The following GLYR1 variants were observed in gnomAD, a reference collection of about 807,000 sequenced individuals.
GLYR1 encodes glyoxylate reductase 1 homolog, also known as cytokine-like nuclear factor N-PAC.
Under a neutral mutation model 72.7 loss-of-function variants are expected in GLYR1, and 21 were observed. That is an observed-to-expected ratio of 0.29 (90% CI 0.20 to 0.42). The LOEUF (loss-of-function observed/expected upper bound fraction) is 0.42. GLYR1 is among the 10% of genes least tolerant of loss of function. The pLI, the probability that GLYR1 is intolerant of heterozygous loss-of-function variation, is 1.00. For synonymous variants in GLYR1, 392 were observed against 270.2 expected, an observed-to-expected ratio of 1.45 and a Z score of -4.42; for missense variants, 594 against 712.1, an observed-to-expected ratio of 0.83 and a Z score of 1.89.
chr16:4,811,991 C>G (rs1049960687), intron 13 of GLYR1, 95 bp downstream of exon 13: 4 of 1,498,598 alleles, frequency 2.7e-6, no homozygotes, highest in Non-Finnish European at 3.6e-6. Flanking sequence ...CCAGGGTCCC[C>G]GGCAGAAAGG....
At chr16:4,834,295 C>CTT (rs778256795) in intron 3 of GLYR1, among the ~76,000 whole-genome samples, 5,033 of 118,192 alleles carry the variant, frequency 0.043, 461 homozygotes, top group African/African-American at 0.16. Context: ...AGGCAAATTC[C>CTT]TTTTTTTTTT....
At chr16:4,830,475 A>G (rs2084723478) in intron 5 of GLYR1, among the ~76,000 whole-genome samples, 1 of 152,136 alleles carries the variant, frequency 6.6e-6, no homozygotes, top group South Asian at 2.1e-4. Flanking sequence ...TGCTCTGAGC[A>G]CCAAGGCAGG....
Position 4,832,311 on chromosome 16 carries a change from G to A in GLYR1, c.295-90C>T, listed in dbSNP as rs1008033366. On this transcript the variant is annotated intron_variant, in intron 4 of 15. Coordinates refer to ENST00000321919, the MANE Select transcript of GLYR1 (RefSeq NM_032569.4). ...TTACAGGTGCCATGTGCTGCTACAGGCACTCTGTGTGGTCTCCTCACAATG... is the reference window on the plus strand; with the variant it reads ...TTACAGGTGCCATGTGCTGCTACAGACACTCTGTGTGGTCTCCTCACAATG... 10 of 1,506,534 alleles carry A rather than the reference G, an allele frequency of 6.6e-6. No homozygotes were observed. In the South Asian group the frequency reaches 9.7e-5, roughly 15 times the overall value. The allele number at this position is 1,506,534 out of a possible 1,614,324, so 93.3% of individuals were successfully genotyped here.
At chr16:4,811,976 C>CT in intron 13 of GLYR1, 110 bp downstream of exon 13, 12 of 1,478,946 alleles carry the variant, frequency 8.1e-6, no homozygotes, top group Non-Finnish European at 1.1e-5. Flanking sequence ...GAAAGGAAAC[C>CT]TTCCCCAGGG....
intron 3 of GLYR1, among the ~76,000 whole-genome samples, chr16:4,835,946 T>C (rs1382854566): frequency 6.6e-6 from 1 of 152,138 alleles, no homozygotes; most frequent in Non-Finnish European, 1.5e-5. Flanking sequence ...TCTCTAAAGG[T>C]TACACTTCTT....
chr16:4,823,236 G>GTACT (rs2084155627), intron 6 of GLYR1, among the ~76,000 whole-genome samples: 2 of 152,342 alleles, frequency 1.3e-5, no homozygotes, highest in East Asian at 3.9e-4. Context: ...TATAAATTCG[G>GTACT]TACTCATCAG....
intron 9 of GLYR1, among the ~76,000 whole-genome samples, chr16:4,819,307 C>A (rs2083860503): frequency 6.6e-6 from 1 of 152,030 alleles, no homozygotes; most frequent in Non-Finnish European, 1.5e-5. Context: ...GCCACTGCAC[C>A]CAGCCTTTTT....
chr16:4,828,554 G>C (rs2084580329), intron 5 of GLYR1, among the ~76,000 whole-genome samples: 1 of 152,028 alleles, frequency 6.6e-6, no homozygotes, highest in Non-Finnish European at 1.5e-5. Flanking sequence ...AGACCCAAGG[G>C]CTGTCTGCAG....
chr16:4,845,829 C>G (rs998722761), intron 2 of GLYR1, among the ~76,000 whole-genome samples: 5 of 152,208 alleles, frequency 3.3e-5, no homozygotes, highest in African/African-American at 1.2e-4. Context: ...TGGCTTTTCA[C>G]TAACCTACAT....
At chr16:4,834,425 A>C (rs1045708689) in intron 3 of GLYR1, among the ~76,000 whole-genome samples, 1 of 147,362 alleles carries the variant, frequency 6.8e-6, no homozygotes, top group African/African-American at 2.6e-5. Context: ...TCAGCCTCCC[A>C]AGTGCTGGGA....
rs1450626372 is a variant in GLYR1 at position 4,832,798 on chromosome 16, G to A, written c.270C>T (p.Leu90=). The A allele has an allele frequency of 6.2e-7, 1 of 1,612,222 alleles. No individual in the cohort carries two copies. The highest frequency in any genetic ancestry group is 8.5e-7 in the Non-Finnish European group (1 of 1,179,194). Residue 90 remains leucine, a synonymous_variant, in exon 4 of 16, where the codon CTC becomes CTT. Coordinates refer to ENST00000321919, the MANE Select transcript of GLYR1 (RefSeq NM_032569.4). ...CCTGGTCTTTCCCTTTGGCTCTCCTGAGGAACTCTTCGACAGCATCTACCG... is the reference window on the plus strand; with the variant it reads ...CCTGGTCTTTCCCTTTGGCTCTCCTAAGGAACTCTTCGACAGCATCTACCG... ...QQAVDAVEEF[L]RRAKGKDQTS...
chr16:4,836,190 G>A (rs760532779), intron 3 of GLYR1, among the ~76,000 whole-genome samples: 4 of 152,154 alleles, frequency 2.6e-5, no homozygotes, highest in Non-Finnish European at 5.9e-5. Flanking sequence ...AGCCGGGCCT[G>A]GCACACCACT....
rs756740283 is a variant in GLYR1, at chr16:4,817,714, C to T, written c.807-17G>A. 3 of 1,493,550 alleles carry T rather than the reference C, an allele frequency of 2.0e-6. No homozygotes were observed. The highest frequency in any genetic ancestry group is 2.3e-5 in the South Asian group (2 of 88,616). 92.5% of individuals were successfully genotyped at this position (1,493,550 alleles called of 1,614,324 possible). A position where few individuals can be genotyped will look rare whatever the true frequency, so the allele number is the denominator to read the frequency against. ...AATCCTATCCTGAAACAGAGAGAGA[C>T]TGATGAGTTCAGGGTGGAAAGGGAG... On this transcript the variant is annotated splice_polypyrimidine_tract_variant and intron_variant, in intron 9 of 15. Coordinates refer to ENST00000321919, the MANE Select transcript of GLYR1 (RefSeq NM_032569.4).
intron 15 of GLYR1, among the ~76,000 whole-genome samples, chr16:4,809,738 A>T (rs1294027330): frequency 6.6e-6 from 1 of 152,022 alleles, no homozygotes; most frequent in Admixed American, 6.6e-5. Context: ...AGCCTGGCCA[A>T]CATGGTGAAA....
At position 4,804,515 on chromosome 16, in the gene GLYR1, T is replaced by C. The variant is rs1181207611; in HGVS notation, c.*721A>G. The stretch of plus-strand genomic sequence containing the variant: ...CGAGGCGGTGAGGGCCGGGCCTCCA[T>C]GCTCACCTGCAGGCCGGCTGCTTGC... On this transcript the variant is annotated 3_prime_UTR_variant, in exon 16 of 16. Transcript: ENST00000321919. 1.3e-5 allele frequency: 2 copies of C among 152,904 alleles called. No homozygotes were observed. The highest frequency in any genetic ancestry group is 1.3e-4 in the Admixed American group (2 of 15,288). The allele number at this position is 152,904 out of a possible 1,614,324, so 9.5% of individuals were successfully genotyped here. A position where few individuals can be genotyped will look rare whatever the true frequency, so the allele number is the denominator to read the frequency against.
intron 10 of GLYR1, among the ~76,000 whole-genome samples, chr16:4,815,941 C>T (rs1469753995): frequency 6.6e-6 from 1 of 151,984 alleles, no homozygotes; most frequent in African/African-American, 2.4e-5. Context: ...GCCACTGTGC[C>T]CGGCTAATTT....
intron 3 of GLYR1, among the ~76,000 whole-genome samples, chr16:4,835,660 G>T (rs188502830): frequency 6.6e-6 from 1 of 152,088 alleles, no homozygotes; most frequent in African/African-American, 2.4e-5. Flanking sequence ...GTGAAATCTC[G>T]TCTCTACTGA....
intron 14 of GLYR1, 90 bp downstream of exon 14, chr16:4,811,532 AG>A (rs1476689816): frequency 1.4e-6 from 2 of 1,474,076 alleles, no homozygotes; most frequent in Non-Finnish European, 1.9e-6. Context: ...CTGACTGGGG[AG>A]GGGCATCTTT....
chr16:4,826,707 A>G (rs529789623), intron 5 of GLYR1, among the ~76,000 whole-genome samples: 6 of 152,220 alleles, frequency 3.9e-5, no homozygotes, highest in African/African-American at 1.4e-4. Flanking sequence ...GCACTGTGTG[A>G]TAGAGCAGGC....
Sources: gnomAD v4.1 joint callset for allele counts (sites outside exome capture counted in the v4.1 genomes callset) on GRCh38, gnomAD v4.1.1 for gene constraint, MANE v1.5 for transcripts, NCBI Gene and HGNC (gene_info 2026-07-23, HGNC 2026-07-21) for gene names.